The following PEBP4 variants were observed in gnomAD, a reference collection of about 807,000 sequenced individuals.
PEBP4 encodes the protein phosphatidylethanolamine-binding protein 4.
Under a neutral mutation model 23.9 loss-of-function variants are expected in PEBP4, and 22 were observed. That is an observed-to-expected ratio of 0.92 (90% confidence interval 0.66 to 1.31). The LOEUF (loss-of-function observed/expected upper bound fraction) is 1.31, where lower values mean the gene tolerates loss of function less well. PEBP4 is among the 40% of genes most tolerant of loss of function. The pLI, the probability that PEBP4 is intolerant of heterozygous loss-of-function variation, is 0.00. For missense variants in PEBP4, 324 were observed against 281.7 expected (o/e 1.15, Z -1.07); for synonymous variants, 112 against 99.3 (o/e 1.13, Z -0.76).
At chr8:22,738,961 G>A (rs995760280) in intron 4 of PEBP4, among the ~76,000 whole-genome samples, 1 of 152,196 alleles carries the variant, frequency 6.6e-6, no homozygotes, top group African/African-American at 2.4e-5. Context: ...CAGAAGAAGG[G>A]GGCATTTGGG....
intron 2 of PEBP4, chr8:22,925,403 A>G (rs1809305416): frequency 3.5e-6 from 3 of 853,832 alleles, no homozygotes; most frequent in Non-Finnish European, 4.2e-6. Flanking sequence ...AGGGGGCTAG[A>G]TCTTGGCTCT....
intron 4 of PEBP4, chr8:22,754,698 T>G (rs1342830379): frequency 6.6e-6 from 1 of 152,250 alleles, no homozygotes; most frequent in African/African-American, 2.4e-5. Flanking sequence ...GTCATCTGCC[T>G]GATATTGAGC....
intron 3 of PEBP4, among the ~76,000 whole-genome samples, chr8:22,843,958 C>G (rs981582943): frequency 3.3e-5 from 5 of 152,152 alleles, no homozygotes; most frequent in African/African-American, 1.2e-4. Flanking sequence ...ATTGCCAGAG[C>G]AAGTCAACTC....
intron 3 of PEBP4, among the ~76,000 whole-genome samples, chr8:22,835,018 C>T (rs939664283): frequency 1.3e-5 from 2 of 152,182 alleles, no homozygotes; most frequent in African/African-American, 4.8e-5. Flanking sequence ...TAGGTCACTT[C>T]TGACAAGTGG....
intron 4 of PEBP4, among the ~76,000 whole-genome samples, chr8:22,749,546 G>A (rs1210644631): frequency 6.6e-6 from 1 of 152,210 alleles, no homozygotes; most frequent in Non-Finnish European, 1.5e-5. Flanking sequence ...AGCTCTCTGA[G>A]ATGGCCCTCG....
At chr8:22,798,089 G>T (rs191057877) in intron 4 of PEBP4, among the ~76,000 whole-genome samples, 118 of 152,282 alleles carry the variant, frequency 7.7e-4, no homozygotes, top group African/African-American at 2.8e-3. Flanking sequence ...AGGGTTTGGA[G>T]TCATCAGGAA....
chr8:22,856,569 T>C (rs4281113), intron 3 of PEBP4, among the ~76,000 whole-genome samples: 99,870 of 151,970 alleles, frequency 0.66, 34,494 homozygotes, highest in South Asian at 0.81. Context: ...ACACAAAAAG[T>C]AGCCAGGCGT....
chr8:22,784,354 C>A (rs6990784), intron 4 of PEBP4, among the ~76,000 whole-genome samples: 2 of 152,142 alleles, frequency 1.3e-5, no homozygotes, highest in Non-Finnish European at 2.9e-5. Context: ...AAGGCAAGAA[C>A]GAGAACCAGA....
At chr8:22,900,754 G>A (rs768356940) in intron 3 of PEBP4, among the ~76,000 whole-genome samples, 3 of 152,110 alleles carry the variant, frequency 2.0e-5, no homozygotes, top group African/African-American at 7.2e-5. Flanking sequence ...ACTCAGATCT[G>A]TCTATCCTAT....
chr8:22,749,802 A>ATTTTTTTTTTTTTTTT lies in PEBP4; in HGVS notation c.358-22583_358-22582insAAAAAAAAAAAAAAAA, dbSNP rs754912133. Among the ~76,000 whole-genome samples, 3 of 41,582 alleles carry ATTTTTTTTTTTTTTTT rather than the reference A, an allele frequency of 7.2e-5. 1 individual carries two copies. The highest frequency in any genetic ancestry group is 1.9e-4 in the Non-Finnish European group (3 of 15,594). The allele number at this position is 41,582 out of a possible 152,430, so 27.3% of individuals were successfully genotyped here. A position where few individuals can be genotyped will look rare whatever the true frequency, so the allele number is the denominator to read the frequency against. The stretch of plus-strand genomic sequence containing the variant: ...CACCTCTCCTGATTCTCAGTTTGTC[A>ATTTTTTTTTTTTTTTT]TTCTTTTTTTTTTTTTTTTTTGAGA... On this transcript the variant is annotated intron_variant, in intron 4 of 6. Coordinates refer to ENST00000256404, the MANE Select transcript of PEBP4 (RefSeq NM_144962.3).
Position 22,713,431 on chromosome 8 carries a change from G to C in PEBP4, c.623C>G (p.Ala208Gly). The C allele has an allele frequency of 6.2e-7, 1 of 1,613,414 alleles. No individual in the cohort carries two copies. Among genetic ancestry groups the C allele is most frequent in the African/African-American group, 1.3e-5 (1 of 74,998 alleles). Residue 208 changes from alanine to glycine, a missense_variant, in exon 7 of 7, where the codon GCT becomes GGT. By Grantham distance (60) the Ala-to-Gly change is moderately conservative (BLOSUM62 0). Transcript: ENST00000256404. ...GGGCTCGCTGGCCCTTTCTCTGGGAGCCTGGAGGGTTGGTGAGTCCTGGTA... is the reference window on the plus strand; with the variant it reads ...GGGCTCGCTGGCCCTTTCTCTGGGACCCTGGAGGGTTGGTGAGTCCTGGTA... Reference protein sequence around the residue: ...QNYQDSPTLQAPRERASEPKH... With the variant: ...QNYQDSPTLQGPRERASEPKH...
chr8:22,911,652 G>C (rs1350805334), intron 3 of PEBP4, among the ~76,000 whole-genome samples: 1 of 152,150 alleles, frequency 6.6e-6, no homozygotes, highest in African/African-American at 2.4e-5. Context: ...CCTTCTAAAT[G>C]GCTCCCACAA....
At chr8:22,713,630 C>T in intron 6 of PEBP4, 94 bp from the exon 7 acceptor site, 1 of 1,561,272 alleles carries the variant, frequency 6.4e-7, no homozygotes. Context: ...CTCGTGGGAG[C>T]CGAGGCAGCA....
intron 3 of PEBP4, among the ~76,000 whole-genome samples, chr8:22,820,127 G>C (rs1806826954): frequency 6.6e-6 from 1 of 152,142 alleles, no homozygotes; most frequent in Non-Finnish European, 1.5e-5. Context: ...AGATAGTGAG[G>C]AATGAGGAAA....
At chr8:22,726,879 T>C (rs776246471) in intron 5 of PEBP4, among the ~76,000 whole-genome samples, 6 of 148,786 alleles carry the variant, frequency 4.0e-5, no homozygotes, top group Non-Finnish European at 7.5e-5. Flanking sequence ...AGGATGGGGG[T>C]GGACAGGGGT....
intron 4 of PEBP4, among the ~76,000 whole-genome samples, chr8:22,728,818 G>A (rs1804677293): frequency 2.0e-5 from 3 of 152,050 alleles, no homozygotes; most frequent in Admixed American, 2.0e-4. Flanking sequence ...GACTGGTTTC[G>A]AACTCCTGAC....
chr8:22,933,698 G>A (rs57809705), intron 1 of PEBP4, among the ~76,000 whole-genome samples: 1 of 152,200 alleles, frequency 6.6e-6, no homozygotes, highest in Admixed American at 6.5e-5. Context: ...GAAATGAAAA[G>A]ATGACAGTAA....
At chr8:22,825,006 C>T (rs879207404) in intron 3 of PEBP4, among the ~76,000 whole-genome samples, 19 of 152,176 alleles carry the variant, frequency 1.2e-4, no homozygotes, top group Admixed American at 5.2e-4. Flanking sequence ...CTGAGGTTTA[C>T]CCTAGATCTC....
chr8:22,743,528 C>T (rs1181670663), intron 4 of PEBP4, among the ~76,000 whole-genome samples: 1 of 152,216 alleles, frequency 6.6e-6, no homozygotes, highest in East Asian at 1.9e-4. Context: ...CCCCAGACCA[C>T]AGCTGTTTGG....
Sources: allele counts gnomAD v4.1 joint callset (sites outside exome capture counted in the v4.1 genomes callset), GRCh38; gene constraint gnomAD v4.1.1; transcripts MANE v1.5; gene names NCBI Gene and HGNC (gene_info 2026-07-23, HGNC 2026-07-21).